The following KHDRBS2 variants were observed in gnomAD, a reference collection of about 807,000 sequenced individuals.
KHDRBS2 encodes the protein KH RNA binding domain containing, signal transduction associated 2.
A neutral mutation model predicts 44.3 loss-of-function variants in KHDRBS2; 26 were observed. That is an observed-to-expected ratio of 0.59 (90% CI 0.43 to 0.81). KHDRBS2 has a LOEUF of 0.81. Among genes scored for constraint, KHDRBS2 ranks in the 40% least tolerant of loss-of-function variants. The pLI is 0.00. For synonymous variants in KHDRBS2, 194 were observed against 151.1 expected, an observed-to-expected ratio of 1.28 and a Z score of -2.08; for missense variants, 476 against 433.1, an observed-to-expected ratio of 1.10 and a Z score of -0.88.
chr6:61,645,697 A>T, the KHDRBS2 span, among the ~76,000 whole-genome samples: 2 of 152,176 alleles, frequency 1.3e-5, no homozygotes, highest in Admixed American at 6.6e-5. Flanking sequence ...TGTTGGTCAG[A>T]TACATCTCTG....
chr6:62,221,654 T>C (rs1349737824), intron 1 of KHDRBS2, among the ~76,000 whole-genome samples: 1 of 152,096 alleles, frequency 6.6e-6, no homozygotes, highest in African/African-American at 2.4e-5. Context: ...AAGTGAAAAC[T>C]GATGGTGCTA....
At chr6:62,205,118 C>T (rs1827719848) in intron 1 of KHDRBS2, among the ~76,000 whole-genome samples, 1 of 152,114 alleles carries the variant, frequency 6.6e-6, no homozygotes, top group Admixed American at 6.6e-5. Context: ...ACATAAGCCA[C>T]TGCATGGTCA....
chr6:61,643,189 G>T, the KHDRBS2 span, among the ~76,000 whole-genome samples: 19 of 152,126 alleles, frequency 1.2e-4, no homozygotes, highest in South Asian at 3.7e-3. Context: ...GTATATAAAA[G>T]TTTCAAAAAG....
chr6:61,770,964 C>T (rs1194227453), intron 6 of KHDRBS2, among the ~76,000 whole-genome samples: 1 of 152,168 alleles, frequency 6.6e-6, no homozygotes, highest in Non-Finnish European at 1.5e-5. Flanking sequence ...CAAAGGGAAG[C>T]CCATCAGACT....
chr6:61,850,446 G>T (rs1359734891), intron 6 of KHDRBS2, among the ~76,000 whole-genome samples: 1 of 152,148 alleles, frequency 6.6e-6, no homozygotes, highest in Non-Finnish European at 1.5e-5. Context: ...TTAGCACGGA[G>T]AAAGTTACTC....
chr6:61,885,210 C>G (rs1208011047), intron 6 of KHDRBS2, among the ~76,000 whole-genome samples: 1 of 149,794 alleles, frequency 6.7e-6, no homozygotes, highest in Non-Finnish European at 1.5e-5. Flanking sequence ...AGACAGGAAA[C>G]AAAATTAAGG....
chr6:61,586,510 G>C, the KHDRBS2 span, among the ~76,000 whole-genome samples: 3 of 152,112 alleles, frequency 2.0e-5, no homozygotes, highest in Admixed American at 6.6e-5. Flanking sequence ...CAAGACTTTT[G>C]TGTTAACTCA....
intron 4 of KHDRBS2, among the ~76,000 whole-genome samples, chr6:61,932,744 G>T (rs1471394637): frequency 6.6e-6 from 1 of 152,096 alleles, no homozygotes. Context: ...AGTGAGCCGA[G>T]ATCAGGCCAC....
intron 2 of KHDRBS2, among the ~76,000 whole-genome samples, chr6:62,074,028 G>T (rs1358958708): frequency 6.6e-6 from 1 of 151,710 alleles, no homozygotes. Flanking sequence ...AATCAACTCA[G>T]AGAGTTGATA....
intron 1 of KHDRBS2, among the ~76,000 whole-genome samples, chr6:62,243,850 A>G (rs1366382545): frequency 6.6e-6 from 1 of 152,180 alleles, no homozygotes; most frequent in African/African-American, 2.4e-5. Flanking sequence ...AGAGCCTGAC[A>G]TAGTAGATAT....
intron 6 of KHDRBS2, among the ~76,000 whole-genome samples, chr6:61,734,389 T>C (rs1438132384): frequency 6.6e-6 from 1 of 152,124 alleles, no homozygotes; most frequent in Non-Finnish European, 1.5e-5. Flanking sequence ...AAAATAGTAG[T>C]TCCTTGTCTT....
At chr6:61,895,668 TTGTC>T (rs1802808398) in intron 5 of KHDRBS2, among the ~76,000 whole-genome samples, 1 of 152,204 alleles carries the variant, frequency 6.6e-6, no homozygotes, top group Non-Finnish European at 1.5e-5. Context: ...GGTTGAGTGT[TTGTC>T]TGAAGTCTTT....
intron 2 of KHDRBS2, among the ~76,000 whole-genome samples, chr6:62,126,986 T>C (rs1447560539): frequency 6.6e-6 from 1 of 152,206 alleles, no homozygotes; most frequent in Non-Finnish European, 1.5e-5. Context: ...AGGCTTCCTA[T>C]GGCTGAATAA....
chr6:62,062,966 A>T lies in KHDRBS2; in HGVS notation c.220-14972T>A, dbSNP rs988236299. 3.5e-4 allele frequency among the ~76,000 whole-genome samples: 53 copies of T among 151,358 alleles called. No homozygotes were observed. The South Asian group carries it at 4.6e-3, about 13-fold the overall frequency. On this transcript the variant is annotated intron_variant, in intron 2 of 8. Transcript: ENST00000281156. Reference sequence around the variant, plus strand: ...GGGGATATCACCACCGATCCCACAGAAATACAAACTACCATCAGAGAATAC... The same window carrying T: ...GGGGATATCACCACCGATCCCACAGTAATACAAACTACCATCAGAGAATAC...
intron 6 of KHDRBS2, among the ~76,000 whole-genome samples, chr6:61,768,412 TTC>T (rs1262490476): frequency 6.6e-6 from 1 of 152,138 alleles, no homozygotes; most frequent in Admixed American, 6.6e-5. Context: ...TGTTTAGAAA[TTC>T]TCTGTTATTA....
At chr6:61,656,627 C>T in the KHDRBS2 span, among the ~76,000 whole-genome samples, 3 of 151,864 alleles carry the variant, frequency 2.0e-5, no homozygotes, top group Non-Finnish European at 4.4e-5. Context: ...TGTAACATTC[C>T]CCAATTTCTA....
At chr6:61,748,378 G>C (rs995010847) in intron 6 of KHDRBS2, among the ~76,000 whole-genome samples, 1 of 152,094 alleles carries the variant, frequency 6.6e-6, no homozygotes, top group African/African-American at 2.4e-5. Flanking sequence ...TGATACCTCA[G>C]ATTTTGCTTA....
chr6:62,251,449 A>G (rs114041932), intron 1 of KHDRBS2, among the ~76,000 whole-genome samples: 1,713 of 152,076 alleles, frequency 0.011, 33 homozygotes, highest in African/African-American at 0.039. Flanking sequence ...TTTTAGAATA[A>G]AATATTTGAA....
chr6:62,239,139 G>T (rs1041380927), intron 1 of KHDRBS2, among the ~76,000 whole-genome samples: 2 of 152,124 alleles, frequency 1.3e-5, no homozygotes, highest in African/African-American at 4.8e-5. Context: ...GAATTTCTTG[G>T]TTATCATAGT....
Sources: gnomAD v4.1 joint callset for allele counts (sites outside exome capture counted in the v4.1 genomes callset) on GRCh38, gnomAD v4.1.1 for gene constraint, MANE v1.5 for transcripts, NCBI Gene and HGNC (gene_info 2026-07-23, HGNC 2026-07-21) for gene names.